Variants in SPOCK1 observed in about 807,000 individuals in gnomAD.
SPOCK1 encodes SPARC (osteonectin), cwcv and kazal like domains proteoglycan 1.
Under a neutral mutation model 55.3 loss-of-function variants are expected in SPOCK1, and 23 were observed. The ratio of observed to expected loss-of-function variants is 0.42; its 90% confidence interval spans 0.30 to 0.59. The LOEUF (loss-of-function observed/expected upper bound fraction) is 0.59. SPOCK1 is among the 20% of genes least tolerant of loss of function. The pLI, the probability that SPOCK1 is intolerant of heterozygous loss-of-function variation, is 0.22. For synonymous variants in SPOCK1, 226 were observed against 221.0 expected (o/e 1.02, Z -0.20); for missense variants, 499 against 552.5 (o/e 0.90, Z 0.97).
chr5:137,339,328 G>A (rs889625267), intron 2 of SPOCK1, among the ~76,000 whole-genome samples: 3 of 152,206 alleles, frequency 2.0e-5, no homozygotes, highest in African/African-American at 7.2e-5. Context: ...AAGGTGATTG[G>A]TCCATGGATG....
chr5:137,001,009 T>C (rs1295067620), intron 6 of SPOCK1, among the ~76,000 whole-genome samples: 1 of 151,972 alleles, frequency 6.6e-6, no homozygotes, highest in Non-Finnish European at 1.5e-5. Flanking sequence ...TCTCAAAAAA[T>C]AAATAAATAA....
intron 3 of SPOCK1, among the ~76,000 whole-genome samples, chr5:137,202,160 C>T (rs904850967): frequency 1.1e-4 from 17 of 152,178 alleles, no homozygotes; most frequent in African/African-American, 4.1e-4. Context: ...GACTCGGCCT[C>T]TAGGGACATC....
chr5:137,437,627 A>C (rs1752892601), intron 2 of SPOCK1, among the ~76,000 whole-genome samples: 2 of 152,254 alleles, frequency 1.3e-5, no homozygotes, highest in Admixed American at 6.5e-5. Context: ...ATAAATGTAC[A>C]AAGCTATGGA....
intron 3 of SPOCK1, among the ~76,000 whole-genome samples, chr5:137,261,531 A>G (rs1487165626): frequency 6.6e-6 from 1 of 152,160 alleles, no homozygotes; most frequent in Non-Finnish European, 1.5e-5. Flanking sequence ...CTTTTCTTCT[A>G]TTCACGAGAA....
intron 2 of SPOCK1, among the ~76,000 whole-genome samples, chr5:137,296,754 C>T (rs1456461317): frequency 2.0e-5 from 3 of 152,196 alleles, no homozygotes; most frequent in African/African-American, 7.2e-5. Context: ...TTAAAAGGTA[C>T]ATTCAATGCT....
Position 137,278,603 on chromosome 5 carries a change from C to T in SPOCK1, c.187-11548G>A, listed in dbSNP as rs144329881. Among the ~76,000 whole-genome samples, 172 of 152,250 alleles carry T rather than the reference C, an allele frequency of 1.1e-3. 3 individuals carry two copies. The highest frequency in any genetic ancestry group is 4.1e-3 in the African/African-American group (169 of 41,546). On this transcript the variant is annotated intron_variant, in intron 2 of 10. Transcript: ENST00000394945. ...ACAGAACCCACACTCCCAAAGGCTG[C>T]GGGGTCAAGGAGTCCTGAGCTACCC...
chr5:137,119,331 CA>C (rs1332196471), intron 4 of SPOCK1, among the ~76,000 whole-genome samples: 1 of 152,120 alleles, frequency 6.6e-6, no homozygotes, highest in Non-Finnish European at 1.5e-5. Context: ...GAACCAGAGA[CA>C]AAATAATGAA....
At chr5:137,042,927 G>T (rs995332974) in intron 6 of SPOCK1, among the ~76,000 whole-genome samples, 1 of 152,060 alleles carries the variant, frequency 6.6e-6, no homozygotes, top group African/African-American at 2.4e-5. Flanking sequence ...AAATGAGAGT[G>T]CAGAACAACA....
At chr5:137,377,690 G>C (rs1055962196) in intron 2 of SPOCK1, among the ~76,000 whole-genome samples, 3 of 152,030 alleles carry the variant, frequency 2.0e-5, no homozygotes, top group Non-Finnish European at 4.4e-5. Context: ...ATCGTGGGAG[G>C]GGGCCACTTC....
chr5:136,992,173 A>AAAAC (rs1424653251), intron 7 of SPOCK1, among the ~76,000 whole-genome samples: 2 of 152,196 alleles, frequency 1.3e-5, no homozygotes, highest in Non-Finnish European at 2.9e-5. Context: ...AAAAGATCAT[A>AAAAC]AAACAGTCTG....
chr5:137,252,531 C>G (rs1756554532), intron 3 of SPOCK1, among the ~76,000 whole-genome samples: 1 of 152,172 alleles, frequency 6.6e-6, no homozygotes, highest in Non-Finnish European at 1.5e-5. Context: ...TGATCCCTGC[C>G]CTGTCATACT....
chr5:137,188,523 A>G (rs1284411592), intron 3 of SPOCK1, among the ~76,000 whole-genome samples: 1 of 152,164 alleles, frequency 6.6e-6, no homozygotes, highest in African/African-American at 2.4e-5. Flanking sequence ...GGCACTATGA[A>G]CCACATGTAT....
chr5:137,218,223 G>T (rs1042101088), intron 3 of SPOCK1, among the ~76,000 whole-genome samples: 2 of 152,202 alleles, frequency 1.3e-5, no homozygotes, highest in East Asian at 1.9e-4. Context: ...TTAGTGACAG[G>T]GTTGGAAGTA....
At chr5:137,485,784 A>G (rs968674618) in intron 2 of SPOCK1, among the ~76,000 whole-genome samples, 1 of 152,268 alleles carries the variant, frequency 6.6e-6, no homozygotes, top group Non-Finnish European at 1.5e-5. Flanking sequence ...CAGACATTTA[A>G]AAGTACATAC....
chr5:137,033,777 A>T (rs1167238141), intron 6 of SPOCK1, among the ~76,000 whole-genome samples: 4 of 151,840 alleles, frequency 2.6e-5, no homozygotes, highest in Admixed American at 2.0e-4. Flanking sequence ...TTTATTTTTT[A>T]TTTTTTGTAG....
At chr5:137,308,758 T>C (rs1232601645) in intron 2 of SPOCK1, among the ~76,000 whole-genome samples, 1 of 152,188 alleles carries the variant, frequency 6.6e-6, no homozygotes, top group East Asian at 1.9e-4. Flanking sequence ...CCCTGACAGA[T>C]ACACCATCTA....
chr5:136,990,610 G>A (rs573666187), intron 7 of SPOCK1, among the ~76,000 whole-genome samples: 14 of 147,592 alleles, frequency 9.5e-5, no homozygotes, highest in South Asian at 2.2e-4. Flanking sequence ...TTCTTTGATC[G>A]AATGTCATGA....
intron 2 of SPOCK1, among the ~76,000 whole-genome samples, chr5:137,329,337 A>T (rs2127150624): frequency 6.6e-6 from 1 of 152,136 alleles, no homozygotes; most frequent in South Asian, 2.1e-4. Context: ...TAGTCACATG[A>T]GCCACTTCCT....
intron 5 of SPOCK1, among the ~76,000 whole-genome samples, chr5:137,077,461 A>G (rs976954374): frequency 3.9e-5 from 6 of 152,216 alleles, no homozygotes; most frequent in African/African-American, 7.2e-5. Context: ...TCAGCCAAAT[A>G]CAACCCTTGC....
Sources: allele counts gnomAD v4.1 joint callset (sites outside exome capture counted in the v4.1 genomes callset), GRCh38; gene constraint gnomAD v4.1.1; transcripts MANE v1.5; gene names NCBI Gene and HGNC (gene_info 2026-07-23, HGNC 2026-07-21).